MTFMT: variants seen among roughly 807,000 people sequenced by gnomAD.
The protein encoded by MTFMT is methionyl-tRNA formyltransferase, mitochondrial.
MTFMT carries 47 observed loss-of-function variants against 51.8 expected under a neutral mutation model. That is an observed-to-expected ratio of 0.91 (90% CI 0.72 to 1.16). The LOEUF (loss-of-function observed/expected upper bound fraction) is 1.16. MTFMT is among the 50% of genes most tolerant of loss of function. The pLI is 0.00. For missense variants in MTFMT, 512 were observed against 482.3 expected (o/e 1.06, Z -0.58); for synonymous variants, 196 against 176.7 (o/e 1.11, Z -0.87).
At chr15:65,018,404 T>C (rs2086342141) in intron 5 of MTFMT, among the ~76,000 whole-genome samples, 1 of 152,102 alleles carries the variant, frequency 6.6e-6, no homozygotes, top group Non-Finnish European at 1.5e-5. Context: ...AGCAAATAAA[T>C]AGGTTAATAT....
intron 1 of MTFMT, among the ~76,000 whole-genome samples, chr15:65,027,632 C>T (rs1182139801): frequency 2.0e-5 from 3 of 152,178 alleles, no homozygotes; most frequent in Non-Finnish European, 2.9e-5. Flanking sequence ...GGATACTTTA[C>T]ACAACTGGGA....
At chr15:65,014,919 A>G (rs950986201) in intron 6 of MTFMT, among the ~76,000 whole-genome samples, 3 of 147,618 alleles carry the variant, frequency 2.0e-5, no homozygotes, top group Non-Finnish European at 4.5e-5. Context: ...CGTGTGAGCC[A>G]CCATGCCTGG....
chr15:65,014,625 C>CTGA (rs2086301515), intron 6 of MTFMT, among the ~76,000 whole-genome samples: 2 of 134,910 alleles, frequency 1.5e-5, no homozygotes, highest in South Asian at 2.4e-4. Context: ...CATGCCCGGT[C>CTGA]TTTTTTTTTT....
chr15:65,015,430 A>G (rs756738206), intron 6 of MTFMT, among the ~76,000 whole-genome samples: 1 of 152,212 alleles, frequency 6.6e-6, no homozygotes, highest in Non-Finnish European at 1.5e-5. Context: ...TGGGATGATA[A>G]TAACTATAAC....
intron 8 of MTFMT, among the ~76,000 whole-genome samples, 193 bp from the exon 9 acceptor site, chr15:65,003,449 T>C (rs2086194013): frequency 6.6e-6 from 1 of 152,182 alleles, no homozygotes; most frequent in Non-Finnish European, 1.5e-5. Context: ...GCAAAAGTCA[T>C]TGCGGTTTTT....
chr15:65,002,887 T>A lies in MTFMT; in HGVS notation c.*175A>T, dbSNP rs553880992. 61 of 358,730 alleles carry A rather than the reference T, an allele frequency of 1.7e-4. 2 individuals carry two copies. The South Asian group carries it at 3.5e-3, about 21-fold the overall frequency. The allele number at this position is 358,730 out of a possible 1,614,324, so 22.2% of individuals were successfully genotyped here. ...CTGAGGCAGGAGAATTGCTTGAACC[T>A]GGGAGGCGGAGGTTGCAGTGAGCTG... On this transcript the variant is annotated 3_prime_UTR_variant, in exon 9 of 9. Coordinates refer to ENST00000220058, the MANE Select transcript of MTFMT (RefSeq NM_139242.4).
intron 7 of MTFMT, 51 bp downstream of exon 7, chr15:65,006,062 G>C: frequency 7.7e-7 from 1 of 1,302,914 alleles, no homozygotes; most frequent in South Asian, 1.2e-5. Flanking sequence ...CGTATTTCCA[G>C]ATACACTACA....
intron 7 of MTFMT, among the ~76,000 whole-genome samples, chr15:65,005,450 G>A (rs546191107): frequency 6.6e-6 from 1 of 152,210 alleles, no homozygotes; most frequent in South Asian, 2.1e-4. Context: ...CTCTGGCCTA[G>A]ATTTTCACTG....
rs191093290 is a variant in MTFMT at position 65,013,227 on chromosome 15, T to A, written c.813+3209A>T. On this transcript the variant is annotated intron_variant, in intron 6 of 8. Transcript: ENST00000220058. ...AACTTTGAGAGCGCAGACATCTTTATCTTCTTTGTGATCTTAAGGGAAAGG... is the reference window on the plus strand; with the variant it reads ...AACTTTGAGAGCGCAGACATCTTTAACTTCTTTGTGATCTTAAGGGAAAGG... 1.8e-4 allele frequency among the ~76,000 whole-genome samples: 27 copies of A among 152,238 alleles called. No homozygotes were observed. The East Asian group carries it at 5.0e-3, about 28-fold the overall frequency.
intron 6 of MTFMT, among the ~76,000 whole-genome samples, chr15:65,011,574 C>A (rs1041578714): frequency 7.1e-6 from 1 of 141,492 alleles, no homozygotes; most frequent in Admixed American, 7.7e-5. Flanking sequence ...CAGCTCACTG[C>A]AGCCTCGACC....
At chr15:65,016,550 A>T in intron 5 of MTFMT, 23 bp from the exon 6 acceptor site, 1 of 1,494,996 alleles carries the variant, frequency 6.7e-7, no homozygotes. Flanking sequence ...ACCAAGAGCA[A>T]AAATGAACAT....
chr15:65,002,883 A>T lies in MTFMT; in HGVS notation c.*179T>A, dbSNP rs2086187474. ...GAGGCTGAGGCAGGAGAATTGCTTG[A>T]ACCTGGGAGGCGGAGGTTGCAGTGA... On this transcript the variant is annotated 3_prime_UTR_variant, in exon 9 of 9. Transcript: ENST00000220058. 2.7e-6 allele frequency: 1 copy of T among 371,894 alleles called. No homozygotes were observed. The highest frequency in any genetic ancestry group is 2.1e-5 in the African/African-American group (1 of 47,020). 23.0% of individuals were successfully genotyped at this position (371,894 alleles called of 1,614,324 possible).
chr15:65,024,081 C>CT (rs1162237253), intron 2 of MTFMT, among the ~76,000 whole-genome samples: 1 of 151,998 alleles, frequency 6.6e-6, no homozygotes, highest in Non-Finnish European at 1.5e-5. Flanking sequence ...AATCCCAGCA[C>CT]TTTGAGAGGC....
rs1248946361 is a variant in MTFMT at position 65,029,584 on chromosome 15, A to T, written c.30T>A (p.Gly10=). ...GCCTGGCGCCATGAGCCAGCGGAGG[A>T]CCCCAACAGCGCCGCACCAACACCC... MRVLVRRCW[G]PPLAHGARRG... is the part of the protein sequence containing the mutation. The change falls in exon 1 of 9, where the codon GGT becomes GGA. Residue 10 remains glycine (G), a synonymous_variant. Coordinates refer to ENST00000220058, the MANE Select transcript of MTFMT (RefSeq NM_139242.4). 14 of 1,487,038 alleles carry T rather than the reference A, an allele frequency of 9.4e-6. No individual in the cohort carries two copies. Among genetic ancestry groups the T allele is most frequent in the Non-Finnish European group, 1.3e-5 (14 of 1,118,074 alleles). 92.1% of individuals were successfully genotyped at this position (1,487,038 alleles called of 1,614,324 possible).
At position 65,029,387 on chromosome 15, in the gene MTFMT, G is replaced by T; in HGVS notation, c.209+18C>A. On this transcript the variant is annotated intron_variant, in intron 1 of 8. Coordinates refer to ENST00000220058, the MANE Select transcript of MTFMT (RefSeq NM_139242.4). Reference sequence around the variant, plus strand: ...GAGGCCTTCAGCGGCCGGGTCCCCGGATCCCTGGCCCGGGTACCTGGCGGC... The same window carrying T: ...GAGGCCTTCAGCGGCCGGGTCCCCGTATCCCTGGCCCGGGTACCTGGCGGC... 3 of 1,460,404 alleles carry T rather than the reference G, an allele frequency of 2.1e-6. No individual in the cohort carries two copies. In the South Asian group the frequency reaches 3.9e-5, roughly 19 times the overall value. 90.5% of individuals were successfully genotyped at this position (1,460,404 alleles called of 1,614,324 possible).
chr15:65,007,566 A>G (rs1357779528), intron 6 of MTFMT, among the ~76,000 whole-genome samples: 1 of 152,208 alleles, frequency 6.6e-6, no homozygotes, highest in Non-Finnish European at 1.5e-5. Context: ...TTTCTGGATA[A>G]TAGTTTTGGG....
chr15:65,003,606 C>T (rs2086195464), intron 8 of MTFMT, among the ~76,000 whole-genome samples: 1 of 152,016 alleles, frequency 6.6e-6, no homozygotes, highest in Non-Finnish European at 1.5e-5. Context: ...CCTGTAATCC[C>T]AGCACTTTGG....
chr15:65,010,212 C>T (rs538115750), intron 6 of MTFMT, among the ~76,000 whole-genome samples: 1 of 152,204 alleles, frequency 6.6e-6, no homozygotes, highest in Non-Finnish European at 1.5e-5. Context: ...TTTTTGACAG[C>T]TTTATTGAGA....
chr15:65,009,352 C>T (rs934922345), intron 6 of MTFMT, among the ~76,000 whole-genome samples: 2 of 152,190 alleles, frequency 1.3e-5, no homozygotes, highest in Non-Finnish European at 2.9e-5. Flanking sequence ...TGAACGTCTT[C>T]TAACTTAATA....
Sources: allele counts gnomAD v4.1 joint callset (sites outside exome capture counted in the v4.1 genomes callset), GRCh38; gene constraint gnomAD v4.1.1; transcripts MANE v1.5; gene names NCBI Gene and HGNC (gene_info 2026-07-23, HGNC 2026-07-21).